The following CDH4 variants were observed in gnomAD, a reference collection of about 807,000 sequenced individuals.
CDH4 encodes cadherin 4.
A neutral mutation model predicts 86.0 loss-of-function variants in CDH4; 33 were observed. That is an observed-to-expected ratio of 0.38 (90% CI 0.29 to 0.51). CDH4 has a LOEUF of 0.51. CDH4 is among the 20% of genes least tolerant of loss of function. The pLI is 0.86. For synonymous variants in CDH4, 555 were observed against 549.4 expected (o/e 1.01, Z -0.14); for missense variants, 1,114 against 1,307.4 (o/e 0.85, Z 2.28).
chr20:61,707,767 C>A (rs753579446), intron 2 of CDH4, among the ~76,000 whole-genome samples: 1 of 152,118 alleles, frequency 6.6e-6, no homozygotes, highest in Non-Finnish European at 1.5e-5. Context: ...ATGAGGAACG[C>A]GCAGCCTAGA....
chr20:61,835,302 C>A (rs1981818438), intron 4 of CDH4, among the ~76,000 whole-genome samples: 2 of 151,706 alleles, frequency 1.3e-5, no homozygotes, highest in Admixed American at 1.3e-4. Flanking sequence ...TGGCCTCAAG[C>A]AGTCTTCCTG....
intron 2 of CDH4, among the ~76,000 whole-genome samples, chr20:61,694,320 T>C (rs1056860992): frequency 2.0e-5 from 3 of 152,146 alleles, no homozygotes; most frequent in African/African-American, 7.2e-5. Flanking sequence ...CTCCCTCCTT[T>C]ACGGAGGAGC....
At chr20:61,382,576 G>A (rs1052784341) in intron 2 of CDH4, among the ~76,000 whole-genome samples, 1 of 152,198 alleles carries the variant, frequency 6.6e-6, no homozygotes, top group Non-Finnish European at 1.5e-5. Flanking sequence ...TAAAACCACA[G>A]GGACTTATCT....
rs1355353185 is a variant in CDH4, at chr20:61,534,668, T to TC, written c.170-208895_170-208894insC. On this transcript the variant is annotated intron_variant, in intron 2 of 15. Coordinates refer to ENST00000614565, the MANE Select transcript of CDH4 (RefSeq NM_001794.5). ...TCTTTCTTTTCTTTCTTTCTTTCTT[T>TC]TTTTTTTTTTTTTTTTTTTGAGGTG... Among the ~76,000 whole-genome samples the TC allele has an allele frequency of 1.3e-3, 161 of 128,436 alleles. 2 individuals carry two copies. The highest frequency in any genetic ancestry group is 3.5e-3 in the East Asian group (16 of 4,628). The allele number at this position is 128,436 out of a possible 152,430, so 84.3% of individuals were successfully genotyped here.
chr20:61,474,189 C>T, intron 2 of CDH4, among the ~76,000 whole-genome samples: 1 of 108,178 alleles, frequency 9.2e-6, no homozygotes, highest in Non-Finnish European at 1.7e-5. Context: ...GAGATGGAGT[C>T]TGACTCTGTT....
intron 2 of CDH4, among the ~76,000 whole-genome samples, chr20:61,421,488 C>G (rs1227747970): frequency 6.6e-6 from 1 of 152,178 alleles, no homozygotes; most frequent in Non-Finnish European, 1.5e-5. Context: ...TCTCCGCTAT[C>G]CAAAGCCAGG....
At chr20:61,720,492 G>T (rs1301393830) in intron 2 of CDH4, among the ~76,000 whole-genome samples, 1 of 150,312 alleles carries the variant, frequency 6.7e-6, no homozygotes, top group African/African-American at 2.5e-5. Context: ...GGGGTGTAGG[G>T]GTGCAGGGAT....
At chr20:61,579,746 GC>G (rs1331274289) in intron 2 of CDH4, among the ~76,000 whole-genome samples, 3 of 152,100 alleles carry the variant, frequency 2.0e-5, no homozygotes, top group Non-Finnish European at 4.4e-5. Flanking sequence ...GTTGGATTGA[GC>G]TACGAATCTC....
At chr20:61,446,799 G>A (rs967887227) in intron 2 of CDH4, among the ~76,000 whole-genome samples, 2 of 152,160 alleles carry the variant, frequency 1.3e-5, no homozygotes, top group South Asian at 4.1e-4. Flanking sequence ...GGTATGTGTT[G>A]GGGTGGAGAG....
At position 61,609,290 on chromosome 20, in the gene CDH4, C is replaced by G. The variant is rs377030568; in HGVS notation, c.170-134273C>G. 2.1e-4 allele frequency among the ~76,000 whole-genome samples: 32 copies of G among 152,314 alleles called. 1 individual carries two copies. In the South Asian group the frequency reaches 6.4e-3, roughly 31 times the overall value. ...CAGAAAATGACCACAGAGAAGACTTCATCTTTCCTGTTGCAGAATCCCCTC... is the reference window on the plus strand; with the variant it reads ...CAGAAAATGACCACAGAGAAGACTTGATCTTTCCTGTTGCAGAATCCCCTC... On this transcript the variant is annotated intron_variant, in intron 2 of 15. Coordinates refer to ENST00000614565, the MANE Select transcript of CDH4 (RefSeq NM_001794.5).
intron 2 of CDH4, among the ~76,000 whole-genome samples, chr20:61,423,140 G>A (rs1324380758): frequency 2.0e-5 from 3 of 152,156 alleles, no homozygotes; most frequent in Non-Finnish European, 4.4e-5. Flanking sequence ...AGGGATGCTG[G>A]AAGCACAATG....
At chr20:61,401,196 G>A (rs1441025100) in intron 2 of CDH4, among the ~76,000 whole-genome samples, 3 of 152,174 alleles carry the variant, frequency 2.0e-5, no homozygotes, top group Admixed American at 6.5e-5. Flanking sequence ...TAAACCTGAA[G>A]CCTCTTCCCA....
intron 4 of CDH4, among the ~76,000 whole-genome samples, chr20:61,793,347 A>G (rs1979316455): frequency 6.6e-6 from 1 of 152,202 alleles, no homozygotes; most frequent in South Asian, 2.1e-4. Flanking sequence ...AACAACTTAG[A>G]TATTATAATG....
chr20:61,766,210 C>T (rs760501528), intron 3 of CDH4, among the ~76,000 whole-genome samples: 1 of 151,918 alleles, frequency 6.6e-6, no homozygotes, highest in Non-Finnish European at 1.5e-5. Flanking sequence ...GTCTCCCTCG[C>T]CACTTGGCCC....
chr20:61,784,980 C>T (rs77999924), intron 4 of CDH4, among the ~76,000 whole-genome samples: 1,704 of 152,268 alleles, frequency 0.011, 39 homozygotes, highest in African/African-American at 0.04. Flanking sequence ...CCTTCTACAC[C>T]TGAGCCACGC....
intron 2 of CDH4, among the ~76,000 whole-genome samples, chr20:61,272,214 G>A (rs138957411): frequency 1.2e-3 from 190 of 152,274 alleles, no homozygotes; most frequent in African/African-American, 4.3e-3. Context: ...GGAGGATTCT[G>A]GAAGGATATC....
At position 61,372,792 on chromosome 20, in the gene CDH4, G is replaced by A. The variant is rs1295241219; in HGVS notation, c.169+117855G>A. On this transcript the variant is annotated intron_variant, in intron 2 of 15. Transcript: ENST00000614565. ...TTCTGCCCACATAGGAGGGATGGCCGACTCCTAGTAGCAGGACACACTTAC... is the reference window on the plus strand; with the variant it reads ...TTCTGCCCACATAGGAGGGATGGCCAACTCCTAGTAGCAGGACACACTTAC... Among the ~76,000 whole-genome samples the A allele has an allele frequency of 5.3e-5, 8 of 152,306 alleles. No homozygotes were observed. The South Asian group carries it at 1.0e-3, about 20-fold the overall frequency.
chr20:61,934,730 A>T (rs566569843), intron 15 of CDH4, among the ~76,000 whole-genome samples: 2,104 of 75,490 alleles, frequency 0.028, 42 homozygotes, highest in African/African-American at 0.093. Flanking sequence ...CCCCCTCCCC[A>T]CCCCACCCCA....
At chr20:61,880,128 T>C (rs1026716198) in intron 7 of CDH4, among the ~76,000 whole-genome samples, 2 of 152,216 alleles carry the variant, frequency 1.3e-5, no homozygotes, top group African/African-American at 2.4e-5. Flanking sequence ...AGTTAATGTA[T>C]TCACATGATT....
Sources: allele counts gnomAD v4.1 joint callset (sites outside exome capture counted in the v4.1 genomes callset), GRCh38; gene constraint gnomAD v4.1.1; transcripts MANE v1.5; gene names NCBI Gene and HGNC (gene_info 2026-07-23, HGNC 2026-07-21).